CENPW: variants seen among roughly 807,000 people sequenced by gnomAD.
CENPW encodes centromere protein W.
CENPW carries 3 observed loss-of-function variants against 11.1 expected under a neutral mutation model. The ratio of observed to expected loss-of-function variants is 0.27; its 90% CI spans 0.12 to 0.70. CENPW has a LOEUF of 0.70. Ranked by LOEUF, CENPW falls within the 30% of genes least tolerant of loss-of-function variation. The pLI, the probability that CENPW is intolerant of heterozygous loss-of-function variation, is 0.77. For synonymous variants in CENPW, 38 were observed against 42.0 expected (o/e 0.91, Z 0.37); for missense variants, 100 against 105.6 (o/e 0.95, Z 0.23).
the CENPW span, among the ~76,000 whole-genome samples, chr6:126,369,582 G>C: frequency 6.6e-6 from 1 of 152,110 alleles, no homozygotes; most frequent in Non-Finnish European, 1.5e-5. Context: ...TATCTTTTGA[G>C]AACTATCTAT....
At chr6:126,389,583 T>A in the CENPW span, among the ~76,000 whole-genome samples, 1 of 151,682 alleles carries the variant, frequency 6.6e-6, no homozygotes, top group Non-Finnish European at 1.5e-5. Context: ...CCAGTTGTCT[T>A]CATGGCTTTA....
chr6:126,359,546 G>T, the CENPW span, among the ~76,000 whole-genome samples: 1 of 152,020 alleles, frequency 6.6e-6, no homozygotes, highest in South Asian at 2.1e-4. Context: ...CTATTACTAT[G>T]TGTCTGTCTA....
At chr6:126,477,001 T>A in the CENPW span, among the ~76,000 whole-genome samples, 1 of 151,958 alleles carries the variant, frequency 6.6e-6, no homozygotes, top group Non-Finnish European at 1.5e-5. Context: ...GGAAATATAC[T>A]TCATTAAAAA....
At chr6:126,368,721 T>C in the CENPW span, among the ~76,000 whole-genome samples, 1 of 151,886 alleles carries the variant, frequency 6.6e-6, no homozygotes, top group Non-Finnish European at 1.5e-5. Flanking sequence ...CTCAGCTCAC[T>C]GCAAGCTCCG....
the CENPW span, among the ~76,000 whole-genome samples, chr6:126,388,022 T>C: frequency 3.3e-5 from 5 of 151,974 alleles, no homozygotes; most frequent in Non-Finnish European, 7.4e-5. Flanking sequence ...ATTCTGCTTA[T>C]ACAACGTTTC....
chr6:126,387,701 A>G, the CENPW span, among the ~76,000 whole-genome samples: 1 of 151,996 alleles, frequency 6.6e-6, no homozygotes, highest in African/African-American at 2.4e-5. Flanking sequence ...TTGGGTTTAC[A>G]TAAACCGCTT....
At chr6:126,387,804 A>G in the CENPW span, among the ~76,000 whole-genome samples, 1 of 152,002 alleles carries the variant, frequency 6.6e-6, no homozygotes, top group Admixed American at 6.6e-5. Context: ...GATAGTTTGT[A>G]TATAGGCCAG....
the CENPW span, among the ~76,000 whole-genome samples, chr6:126,372,485 A>G: frequency 2.8e-4 from 42 of 152,296 alleles, no homozygotes; most frequent in Middle Eastern, 6.8e-3. Context: ...TTTAAATTAA[A>G]TGAATGACCC....
chr6:126,422,329 G>T, the CENPW span, among the ~76,000 whole-genome samples: 1 of 151,886 alleles, frequency 6.6e-6, no homozygotes, highest in Non-Finnish European at 1.5e-5. Flanking sequence ...CAATGTACTG[G>T]GTAGCTTAAA....
chr6:126,457,668 A>T, the CENPW span, among the ~76,000 whole-genome samples: 1,515 of 151,396 alleles, frequency 0.01, 20 homozygotes, highest in African/African-American at 0.035. Flanking sequence ...CAGGAAAGCA[A>T]GTACAGCAAT....
the CENPW span, among the ~76,000 whole-genome samples, chr6:126,407,958 G>A: frequency 4.5e-3 from 687 of 152,060 alleles, 5 homozygotes; most frequent in Non-Finnish European, 7.7e-3. Flanking sequence ...GTCAGTTTTC[G>A]TTTTTGTTGC....
At chr6:126,462,530 T>TCA in the CENPW span, among the ~76,000 whole-genome samples, 4,168 of 143,864 alleles carry the variant, frequency 0.029, 67 homozygotes, top group Non-Finnish European at 0.035. Context: ...TCTCTCTCTC[T>TCA]CTCACACACA....
chr6:126,387,783 T>C, the CENPW span, among the ~76,000 whole-genome samples: 14 of 151,948 alleles, frequency 9.2e-5, no homozygotes, highest in African/African-American at 3.1e-4. Flanking sequence ...AGGATAGACT[T>C]GATCAAGAAT....
chr6:126,432,480 T>A, the CENPW span, among the ~76,000 whole-genome samples: 29 of 152,320 alleles, frequency 1.9e-4, no homozygotes, highest in Non-Finnish European at 3.4e-4. Flanking sequence ...CAGTTTTTTT[T>A]AAATTAGCTT....
At chr6:126,433,151 G>A in the CENPW span, among the ~76,000 whole-genome samples, 2 of 152,150 alleles carry the variant, frequency 1.3e-5, no homozygotes, top group Admixed American at 1.3e-4. Flanking sequence ...GATTATGCAT[G>A]ACACATTTCA....
At chr6:126,406,755 G>T in the CENPW span, among the ~76,000 whole-genome samples, 1 of 152,006 alleles carries the variant, frequency 6.6e-6, no homozygotes, top group South Asian at 2.1e-4. Context: ...GAGAGGCTGA[G>T]GCAGGATAAT....
At chr6:126,367,510 A>G in the CENPW span, among the ~76,000 whole-genome samples, 1 of 152,148 alleles carries the variant, frequency 6.6e-6, no homozygotes, top group Non-Finnish European at 1.5e-5. Context: ...GGCAGAAAAC[A>G]TACAGGAAGT....
At chr6:126,461,206 C>T in the CENPW span, among the ~76,000 whole-genome samples, 4 of 150,976 alleles carry the variant, frequency 2.6e-5, no homozygotes, top group African/African-American at 9.7e-5. Context: ...GTGCTGTTCT[C>T]ATGTTAGTGA....
At chr6:126,420,634 A>G in the CENPW span, among the ~76,000 whole-genome samples, 1 of 152,136 alleles carries the variant, frequency 6.6e-6, no homozygotes, top group Admixed American at 6.6e-5. Context: ...GGAAGAAGAA[A>G]TTGACTTTAG....
Sources: gnomAD v4.1 joint callset for allele counts (sites outside exome capture counted in the v4.1 genomes callset) on GRCh38, gnomAD v4.1.1 for gene constraint, MANE v1.5 for transcripts, NCBI Gene and HGNC (gene_info 2026-07-23, HGNC 2026-07-21) for gene names.